DOCK6: variants seen among roughly 807,000 people sequenced by gnomAD.
DOCK6 encodes dedicator of cytokinesis 6.
In DOCK6, 167 loss-of-function variants were observed where a neutral mutation model predicts 230.3. The observed-to-expected ratio is 0.73, with a 90% CI of 0.64 to 0.82. DOCK6 has a LOEUF of 0.82. Ranked by LOEUF, DOCK6 falls within the 40% of genes least tolerant of loss-of-function variation. The probability of loss-of-function intolerance (pLI) is 0.00; values close to 1 mark genes in which losing one functional copy is unlikely to be tolerated. For synonymous variants in DOCK6, 1,148 were observed against 1,185.0 expected, an observed-to-expected ratio of 0.97 and a Z score of 0.64; for missense variants, 2,598 against 2,825.8, an observed-to-expected ratio of 0.92 and a Z score of 1.83.
At position 11,202,822 on chromosome 19, in the gene DOCK6, T is replaced by A; in HGVS notation, c.5236-113A>T. 6.4e-7 allele frequency: 1 copy of A among 1,555,856 alleles called. No homozygotes were observed. The highest frequency in any genetic ancestry group is 8.7e-7 in the Non-Finnish European group (1 of 1,143,818). On this transcript the variant is annotated intron_variant, in intron 41 of 47. Coordinates refer to ENST00000294618, the MANE Select transcript of DOCK6 (RefSeq NM_020812.4). This position sits in a 1 kb window ranked among gnomAD's most constrained non-coding sequence, Gnocchi z 5.3. The stretch of plus-strand genomic sequence containing the variant: ...TGGGAGTGTGAGGACCCCGAGAACA[T>A]CAGGGCATGGGCACAGGCAGGGGGC...
At chr19:11,237,080 G>C in intron 18 of DOCK6, 2 of 602,794 alleles carry the variant, frequency 3.3e-6, no homozygotes, top group Non-Finnish European at 5.9e-6. Context: ...CAAGACGGGG[G>C]CAGAGAATGG....
intron 22 of DOCK6, among the ~76,000 whole-genome samples, chr19:11,231,581 G>T (rs2079766802): frequency 6.6e-6 from 1 of 152,176 alleles, no homozygotes; most frequent in Admixed American, 6.5e-5. Context: ...GACTGCTGGG[G>T]GAGCACTATA....
rs1265754783 is a variant in DOCK6 at position 11,221,981 on chromosome 19, G to T, written c.3420C>A (p.His1140Gln). 6 of 1,613,844 alleles carry T rather than the reference G, an allele frequency of 3.7e-6. No homozygotes were observed. The highest frequency in any genetic ancestry group is 8.5e-7 in the Non-Finnish European group (1 of 1,179,826). The change falls in exon 28 of 48, where the codon CAC (histidine) becomes CAA (glutamine). Residue 1140 changes from histidine to glutamine, a missense_variant. Coordinates refer to ENST00000294618, the MANE Select transcript of DOCK6 (RefSeq NM_020812.4). ...CAGTGTCATGGCCACATAGCAGGCT[G>T]TGCACAGCACTGATGGCCTTCTTGT... Reference protein sequence around the residue: ...LLHKKAISAVHSLLCGHDTDP... With the variant: ...LLHKKAISAVQSLLCGHDTDP...
In DOCK6 at chr19:11,237,502, A is replaced by C; in HGVS notation, c.2027T>G (p.Val676Gly). ...RLRTGPFCLP[V>G]SVDQPPPSYS... ...GCTGGGCGGCGGCTGGTCCACAGAC[A>C]CTGGGAGACAGAAGGGGCCGGTCCT... The change falls in exon 18 of 48, where the codon GTG becomes GGG. Residue 676 changes from valine (V) to glycine (G), a missense_variant. Transcript: ENST00000294618. 1 of 1,613,352 alleles carries C rather than the reference A, an allele frequency of 6.2e-7. No individual in the cohort carries two copies. Among genetic ancestry groups the C allele is most frequent in the Non-Finnish European group, 8.5e-7 (1 of 1,179,766 alleles).
intron 14 of DOCK6, chr19:11,239,607 A>G: frequency 6.2e-7 from 1 of 1,609,562 alleles, no homozygotes. Context: ...CTTCAGTGAC[A>G]GTGCTGTGGC....
chr19:11,241,667 A>C (rs1270735228), intron 14 of DOCK6: 1 of 1,581,986 alleles, frequency 6.3e-7, no homozygotes, highest in Non-Finnish European at 8.6e-7. Context: ...CAGACTCCAC[A>C]CAGCGGCGCT....
At chr19:11,216,407 TTTC>T (rs1324126767) in intron 30 of DOCK6, among the ~76,000 whole-genome samples, 3 of 144,528 alleles carry the variant, frequency 2.1e-5, no homozygotes, top group Admixed American at 6.7e-5. Context: ...AAAAATTTCT[TTTC>T]TTCTTTTTTT....
rs2079902447 is a variant in DOCK6 at position 11,239,347 on chromosome 19, C to G, written c.1644-1043G>C. ...TACCATCATCATTGCGATGCCTATT[C>G]ATAGATGGAGAAACAGGCTCAGCAT... is the stretch of plus-strand genomic sequence containing the variant. On this transcript the variant is annotated intron_variant, in intron 14 of 47. Coordinates refer to ENST00000294618, the MANE Select transcript of DOCK6 (RefSeq NM_020812.4). Among the ~76,000 whole-genome samples the G allele has an allele frequency of 2.6e-5, 4 of 152,184 alleles. No homozygotes were observed. The South Asian group carries it at 8.3e-4, about 32-fold the overall frequency.
At chr19:11,241,401 G>T in intron 14 of DOCK6, 1 of 1,286,678 alleles carries the variant, frequency 7.8e-7, no homozygotes, top group Non-Finnish European at 1.1e-6. Context: ...GGGGATGGGA[G>T]GTGAGGTGGC....
chr19:11,228,257 C>G (rs1279574067), intron 23 of DOCK6, among the ~76,000 whole-genome samples: 1 of 152,052 alleles, frequency 6.6e-6, no homozygotes, highest in African/African-American at 2.4e-5. Flanking sequence ...GTGATCCACC[C>G]GCCTCGGCCT....
intron 23 of DOCK6, among the ~76,000 whole-genome samples, chr19:11,227,929 A>C (rs1450387990): frequency 6.6e-6 from 1 of 151,662 alleles, no homozygotes; most frequent in African/African-American, 2.4e-5. Flanking sequence ...GGATGCAGCC[A>C]GCAGGCCCTG....
chr19:11,247,757 G>T, intron 7 of DOCK6: 1 of 275,280 alleles, frequency 3.6e-6, no homozygotes, highest in Non-Finnish European at 7.1e-6. Context: ...TGGTCTTGGC[G>T]TCATGTCACC....
chr19:11,219,603 T>A (rs1489835190), intron 28 of DOCK6, among the ~76,000 whole-genome samples: 1 of 151,604 alleles, frequency 6.6e-6, no homozygotes, highest in Admixed American at 6.6e-5. Context: ...TCCTGGTTAA[T>A]ACAGTGAAAC....
intron 34 of DOCK6, among the ~76,000 whole-genome samples, 152 bp downstream of exon 34, chr19:11,214,123 C>T (rs114625289): frequency 6.6e-6 from 1 of 152,212 alleles, no homozygotes; most frequent in African/African-American, 2.4e-5. Context: ...AGGGGCCTCA[C>T]TATGTTGCCC....
At chr19:11,225,176 C>T (rs1299062574) in intron 24 of DOCK6, among the ~76,000 whole-genome samples, 6 of 152,150 alleles carry the variant, frequency 3.9e-5, no homozygotes, top group African/African-American at 1.2e-4. Flanking sequence ...TGCGGTGAGC[C>T]GAGATCGTGC....
At chr19:11,247,160 G>GCTC (rs2147863259) in intron 7 of DOCK6, 1 of 152,326 alleles carries the variant, frequency 6.6e-6, no homozygotes. Context: ...CACAATCTCG[G>GCTC]CTCACTGAAA....
At position 11,214,577 on chromosome 19, in the gene DOCK6, C is replaced by T; in HGVS notation, c.4179G>A (p.Leu1393=). The T allele has an allele frequency of 6.2e-7, 1 of 1,613,862 alleles. No individual in the cohort carries two copies. The highest frequency in any genetic ancestry group is 1.3e-5 in the African/African-American group (1 of 75,024). Residue 1393 remains leucine, a synonymous_variant, in exon 33 of 48, where the codon CTG becomes CTA. Coordinates refer to ENST00000294618, the MANE Select transcript of DOCK6 (RefSeq NM_020812.4). The part of the protein sequence containing the change: ...NLATEASLVV[L]DTLEIIVQTV... ...CCTGCACGATGATCTCCAGTGTGTC[C>T]AGAACCACTAGGCTTGCCTCGGTTG...
rs1231197293 is a variant in DOCK6, at chr19:11,246,546, G to A, written c.807-668C>T. On this transcript the variant is annotated intron_variant, in intron 7 of 47. Transcript: ENST00000294618. Reference sequence around the variant, plus strand: ...CCCAAAGTGGTGGGATTACAGGCGTGAGCCACCGCGCCCCGCCGACACTGA... The same window carrying A: ...CCCAAAGTGGTGGGATTACAGGCGTAAGCCACCGCGCCCCGCCGACACTGA... 2.6e-5 allele frequency among the ~76,000 whole-genome samples: 4 copies of A among 151,948 alleles called. 1 individual carries two copies. Among genetic ancestry groups the A allele is most frequent in the South Asian group, 4.1e-4 (2 of 4,822 alleles).
intron 23 of DOCK6, among the ~76,000 whole-genome samples, chr19:11,228,258 G>A (rs533768190): frequency 6.9e-4 from 105 of 151,972 alleles, no homozygotes; most frequent in Non-Finnish European, 1.4e-3. Flanking sequence ...TGATCCACCC[G>A]CCTCGGCCTC....
Sources: allele counts gnomAD v4.1 joint callset (sites outside exome capture counted in the v4.1 genomes callset), GRCh38; gene constraint gnomAD v4.1.1; non-coding constraint Gnocchi (gnomAD v3.1); transcripts MANE v1.5; gene names NCBI Gene and HGNC (gene_info 2026-07-23, HGNC 2026-07-21).